The following FSHR variants were observed in gnomAD, a reference collection of about 807,000 sequenced individuals.
The protein encoded by FSHR is follicle-stimulating hormone receptor.
In FSHR, 46 loss-of-function variants were observed where a neutral mutation model predicts 52.1. That is an observed-to-expected ratio of 0.88 (90% CI 0.70 to 1.13). The LOEUF (loss-of-function observed/expected upper bound fraction) is 1.13. Among genes scored for constraint, FSHR ranks in the 50% most tolerant of loss-of-function variants. FSHR has a pLI of 0.00. For synonymous variants in FSHR, 399 were observed against 309.6 expected, an observed-to-expected ratio of 1.29 and a Z score of -3.03; for missense variants, 964 against 834.6, an observed-to-expected ratio of 1.16 and a Z score of -1.91.
At chr2:48,994,745 C>A (rs929377867) in intron 4 of FSHR, among the ~76,000 whole-genome samples, 3 of 152,094 alleles carry the variant, frequency 2.0e-5, no homozygotes, top group Non-Finnish European at 4.4e-5. Flanking sequence ...CATGGTTTAT[C>A]TTCAAAAAAC....
At chr2:49,006,567 T>G (rs1667082834) in intron 4 of FSHR, among the ~76,000 whole-genome samples, 2 of 152,072 alleles carry the variant, frequency 1.3e-5, no homozygotes, top group African/African-American at 4.8e-5. Context: ...TTATTCTTCT[T>G]TTATGTCTCT....
chr2:49,042,289 C>T (rs1172961704), intron 2 of FSHR, among the ~76,000 whole-genome samples: 1 of 152,100 alleles, frequency 6.6e-6, no homozygotes, highest in Non-Finnish European at 1.5e-5. Context: ...GCTGGTCTGC[C>T]ACCCCAATCA....
At chr2:48,981,181 C>A (rs1482033310) in intron 8 of FSHR, among the ~76,000 whole-genome samples, 1 of 152,156 alleles carries the variant, frequency 6.6e-6, no homozygotes, top group Non-Finnish European at 1.5e-5. Context: ...CCAACACTCT[C>A]CATTTGTTAG....
Position 48,962,790 on chromosome 2 carries a change from T to A in FSHR, c.2031A>T (p.Arg677Ser). Residue 677 changes from arginine to serine, a missense_variant, in exon 10 of 10, where the codon AGA becomes AGT. Physicochemically the swap from Arg to Ser is moderately radical, Grantham distance 110. Transcript: ENST00000406846. ...PRNGHCSSAP[R>S]VTSGSTYILV... ...GTATGTAAGTGGAACCACTGGTGACTCTGGGAGCTGAAGAGCAGTGGCCAT... is the reference window on the plus strand; with the variant it reads ...GTATGTAAGTGGAACCACTGGTGACACTGGGAGCTGAAGAGCAGTGGCCAT... 6.2e-7 allele frequency: 1 copy of A among 1,614,144 alleles called. No homozygotes were observed. Among genetic ancestry groups the A allele is most frequent in the African/African-American group, 1.3e-5 (1 of 75,054 alleles).
At chr2:49,038,427 C>T (rs1668353949) in intron 2 of FSHR, among the ~76,000 whole-genome samples, 1 of 151,802 alleles carries the variant, frequency 6.6e-6, no homozygotes. Context: ...CGAGACCATC[C>T]TGGCTAACAC....
chr2:48,968,727 G>A lies in FSHR; in HGVS notation c.825C>T (p.Cys275=), dbSNP rs1436122475. ...GCCGTCTCCAGTTTGCAAAGGCACA[G>A]CAATGGCTGGGATAGGTGAGGCTGG... ...MEASLTYPSH[C]CAFANWRRQI... is the part of the protein sequence containing the mutation. Residue 275 remains cysteine (C), a synonymous_variant, in exon 9 of 10, where the codon TGC becomes TGT. Coordinates refer to ENST00000406846, the MANE Select transcript of FSHR (RefSeq NM_000145.4). 2 of 1,614,138 alleles carry A rather than the reference G, an allele frequency of 1.2e-6. No individual in the cohort carries two copies. The highest frequency in any genetic ancestry group is 1.3e-5 in the African/African-American group (1 of 75,052).
At position 48,962,541 on chromosome 2, in the gene FSHR, G is replaced by A; in HGVS notation, c.*192C>T. ...AGTATTGCATTCTTTAATTATTATT[G>A]TTGTTACTAATAATTCAGCTTCCTA... On this transcript the variant is annotated 3_prime_UTR_variant, in exon 10 of 10. Coordinates refer to ENST00000406846, the MANE Select transcript of FSHR (RefSeq NM_000145.4). 3.3e-6 allele frequency: 2 copies of A among 610,452 alleles called. No individual in the cohort carries two copies. The highest frequency in any genetic ancestry group is 3.9e-5 in the South Asian group (2 of 51,032). The allele number at this position is 610,452 out of a possible 1,614,324, so 37.8% of individuals were successfully genotyped here.
chr2:49,152,257 G>A (rs569851954), intron 1 of FSHR, among the ~76,000 whole-genome samples: 1 of 152,240 alleles, frequency 6.6e-6, no homozygotes, highest in African/African-American at 2.4e-5. Context: ...TCAAGAATGT[G>A]AAATTTGTTT....
intron 4 of FSHR, among the ~76,000 whole-genome samples, chr2:48,991,091 G>C (rs1452208181): frequency 6.6e-6 from 1 of 151,930 alleles, no homozygotes; most frequent in East Asian, 1.9e-4. Flanking sequence ...ACCTAAGCTG[G>C]GCCAATCAGA....
At chr2:48,993,227 T>A (rs1675866165) in intron 4 of FSHR, among the ~76,000 whole-genome samples, 1 of 152,196 alleles carries the variant, frequency 6.6e-6, no homozygotes, top group African/African-American at 2.4e-5. Context: ...ACTTCACTAG[T>A]CTATTGCTAA....
chr2:49,044,958 T>C (rs2104290099), intron 2 of FSHR, among the ~76,000 whole-genome samples: 1 of 152,318 alleles, frequency 6.6e-6, no homozygotes, highest in African/African-American at 2.4e-5. Context: ...TCCAGCTGTG[T>C]TTCTAGAGCA....
At chr2:49,124,318 T>A (rs753031245) in intron 1 of FSHR, among the ~76,000 whole-genome samples, 26 of 152,036 alleles carry the variant, frequency 1.7e-4, no homozygotes, top group Admixed American at 5.9e-4. Context: ...GTGTAAGTTT[T>A]TAGTGTAGTA....
intron 8 of FSHR, among the ~76,000 whole-genome samples, chr2:48,973,369 G>T (rs886414455): frequency 1.4e-5 from 2 of 144,358 alleles, no homozygotes; most frequent in Admixed American, 6.7e-5. Context: ...TGGACCCCCC[G>T]CCCCGCAGTC....
chr2:49,106,158 G>A lies in FSHR; in HGVS notation c.153-37868C>T, dbSNP rs572637800. Among the ~76,000 whole-genome samples the A allele has an allele frequency of 7.9e-5, 12 of 152,276 alleles. No individual in the cohort carries two copies. The East Asian group carries it at 2.3e-3, about 29-fold the overall frequency. ...CTCTACCTGCCTATCTCTCCTTCCT[G>A]AGACCTCAGGCCTGAAATACCTTTA... On this transcript the variant is annotated intron_variant, in intron 1 of 9. Coordinates refer to ENST00000406846, the MANE Select transcript of FSHR (RefSeq NM_000145.4).
chr2:48,967,026 A>G (rs975062978), intron 9 of FSHR, among the ~76,000 whole-genome samples: 6 of 152,164 alleles, frequency 3.9e-5, no homozygotes, highest in African/African-American at 1.4e-4. Context: ...ACGATGAGAC[A>G]ACAAATTCTT....
Position 49,030,383 on chromosome 2 carries a change from C to T in FSHR, c.225-10223G>A, listed in dbSNP as rs558267975. Among the ~76,000 whole-genome samples, 298 of 152,046 alleles carry T rather than the reference C, an allele frequency of 2.0e-3. 1 individual carries two copies. Among genetic ancestry groups the T allele is most frequent in the African/African-American group, 7.0e-3 (289 of 41,498 alleles). ...CCAAAACCTTCCTTAATAATTCTCT[C>T]TGGGTTCGATTGTGCCTTTTTGATA... On this transcript the variant is annotated intron_variant, in intron 2 of 9. Transcript: ENST00000406846.
chr2:48,980,218 C>T (rs1207813161), intron 8 of FSHR, among the ~76,000 whole-genome samples: 1 of 152,184 alleles, frequency 6.6e-6, no homozygotes, highest in East Asian at 1.9e-4. Context: ...GGATCCTGCA[C>T]TGAGATGGAA....
At position 49,068,205 on chromosome 2, in the gene FSHR, T is replaced by G. The variant is rs755119993; in HGVS notation, c.224+14A>C. On this transcript the variant is annotated intron_variant, in intron 2 of 9. Transcript: ENST00000406846. ...CCCTTGAGGCATTCACTCACAGCAG[T>G]GCTAGGTACATACATTTTCTCCAGG... 1.2e-6 allele frequency: 2 copies of G among 1,603,980 alleles called. No homozygotes were observed. The highest frequency in any genetic ancestry group is 2.2e-5 in the South Asian group (2 of 90,744).
chr2:49,087,394 A>G (rs924037085), intron 1 of FSHR, among the ~76,000 whole-genome samples: 3 of 152,050 alleles, frequency 2.0e-5, no homozygotes, highest in African/African-American at 7.2e-5. Flanking sequence ...TCAGAAGCAG[A>G]TATTGAAAGA....
Sources: gnomAD v4.1 joint callset for allele counts (sites outside exome capture counted in the v4.1 genomes callset) on GRCh38, gnomAD v4.1.1 for gene constraint, MANE v1.5 for transcripts, NCBI Gene and HGNC (gene_info 2026-07-23, HGNC 2026-07-21) for gene names.